Variants in EXOC5 observed in about 807,000 individuals in gnomAD.
The protein encoded by EXOC5 is SEC10-like 1.
A neutral mutation model predicts 90.8 loss-of-function variants in EXOC5; 17 were observed. The ratio of observed to expected loss-of-function variants is 0.19; its 90% confidence interval spans 0.13 to 0.28. EXOC5 has a LOEUF of 0.28. Ranked by LOEUF, EXOC5 falls within the 10% of genes least tolerant of loss-of-function variation. The pLI is 1.00. For missense variants in EXOC5, 569 were observed against 830.6 expected (o/e 0.69, Z 3.87); for synonymous variants, 260 against 270.0 (o/e 0.96, Z 0.36).
intron 15 of EXOC5, among the ~76,000 whole-genome samples, chr14:57,214,956 G>A (rs1227378577): frequency 1.3e-5 from 2 of 152,122 alleles, no homozygotes; most frequent in South Asian, 2.1e-4. Context: ...TCGGCTGGGC[G>A]CAGTGACTCA....
chr14:57,249,498 G>T, intron 1 of EXOC5, among the ~76,000 whole-genome samples: 1 of 151,964 alleles, frequency 6.6e-6, no homozygotes, highest in East Asian at 1.9e-4. Context: ...AAAAATTAAG[G>T]ATTTTTTCAT....
At chr14:57,219,519 T>C (rs1280480017) in intron 13 of EXOC5, 77 bp from the exon 14 acceptor site, 7 of 1,131,512 alleles carry the variant, frequency 6.2e-6, no homozygotes, top group Non-Finnish European at 8.7e-6. Context: ...AAGAATGTGG[T>C]TTTTTAATCT....
In EXOC5 at chr14:57,232,614, A is replaced by C. The variant is rs1050601824; in HGVS notation, c.938+53T>G. On this transcript the variant is annotated intron_variant, in intron 10 of 17. Transcript: ENST00000621441. ...ACCTGAATACTTCCTTGTTTTTATCAAAAAAATTTAAAAAATCTGTTATCT... is the reference window on the plus strand; with the variant it reads ...ACCTGAATACTTCCTTGTTTTTATCCAAAAAATTTAAAAAATCTGTTATCT... 3 of 779,358 alleles carry C rather than the reference A, an allele frequency of 3.8e-6. No homozygotes were observed. In the Admixed American group the frequency reaches 8.5e-5, roughly 22 times the overall value. 48.3% of individuals were successfully genotyped at this position (779,358 alleles called of 1,614,324 possible). A position where few individuals can be genotyped will look rare whatever the true frequency, so the allele number is the denominator to read the frequency against.
chr14:57,229,139 T>C (rs1883401151), intron 12 of EXOC5, among the ~76,000 whole-genome samples: 1 of 152,190 alleles, frequency 6.6e-6, no homozygotes, highest in African/African-American at 2.4e-5. Flanking sequence ...CCCTTTCACA[T>C]CTTCATTTAA....
intron 1 of EXOC5, among the ~76,000 whole-genome samples, chr14:57,259,114 C>CTT (rs564124086): frequency 1.4e-5 from 2 of 144,782 alleles, no homozygotes; most frequent in African/African-American, 2.5e-5. Flanking sequence ...ACACACTTTT[C>CTT]TTTTTTTTTT....
At chr14:57,209,915 G>T (rs1277330140) in intron 16 of EXOC5, 38 bp downstream of exon 16, 1 of 1,242,818 alleles carries the variant, frequency 8.0e-7, no homozygotes. Flanking sequence ...CAATGAAAAT[G>T]TTAACAAAGT....
rs150957938 is a variant in EXOC5 at position 57,242,647 on chromosome 14, A to G, written c.465+1518T>C. ...TTATCCCATTCTAATTCCTCCCACAATCACACACTGGTCTAGCTCTGTGGG... is the reference window on the plus strand; with the variant it reads ...TTATCCCATTCTAATTCCTCCCACAGTCACACACTGGTCTAGCTCTGTGGG... On this transcript the variant is annotated intron_variant, in intron 4 of 17. Coordinates refer to ENST00000621441, the MANE Select transcript of EXOC5 (RefSeq NM_006544.4). Among the ~76,000 whole-genome samples the G allele has an allele frequency of 7.6e-3, 1,161 of 152,286 alleles. 5 individuals are homozygous for G. The highest frequency in any genetic ancestry group is 0.017 in the Middle Eastern group (5 of 294).
intron 3 of EXOC5, among the ~76,000 whole-genome samples, chr14:57,246,438 G>C (rs767226686): frequency 6.6e-6 from 1 of 152,122 alleles, no homozygotes; most frequent in Non-Finnish European, 1.5e-5. Flanking sequence ...TTCAAAGTTC[G>C]CATTGTTAGA....
chr14:57,249,136 T>G (rs1199335749), intron 1 of EXOC5, among the ~76,000 whole-genome samples: 2 of 152,146 alleles, frequency 1.3e-5, no homozygotes, highest in African/African-American at 2.4e-5. Context: ...TGCCTAGTAT[T>G]TTACATACTT....
At chr14:57,217,564 T>A (rs1273373633) in intron 15 of EXOC5, among the ~76,000 whole-genome samples, 1 of 152,156 alleles carries the variant, frequency 6.6e-6, no homozygotes, top group Non-Finnish European at 1.5e-5. Flanking sequence ...AAATGTAGTG[T>A]GTGTTCTGAC....
In EXOC5 at chr14:57,209,942, A is replaced by AT. The variant is rs766678025; in HGVS notation, c.1722+10dup. 1 of 1,362,902 alleles carries AT rather than the reference A, an allele frequency of 7.3e-7. No individual in the cohort carries two copies. Among genetic ancestry groups the AT allele is most frequent in the South Asian group, 1.2e-5 (1 of 82,540 alleles). The allele number at this position is 1,362,902 out of a possible 1,614,324, so 84.4% of individuals were successfully genotyped here. A position where few individuals can be genotyped will look rare whatever the true frequency, so the allele number is the denominator to read the frequency against. On this transcript the variant is annotated intron_variant, in intron 16 of 17. Coordinates refer to ENST00000621441, the MANE Select transcript of EXOC5 (RefSeq NM_006544.4). ...TAACAAAGTATTAACAAACTGAATGATTTTACTCACATTAGTATATTGAAT... is the reference window on the plus strand; with the variant it reads ...TAACAAAGTATTAACAAACTGAATGATTTTTACTCACATTAGTATATTGAAT...
intron 1 of EXOC5, among the ~76,000 whole-genome samples, chr14:57,260,395 T>C (rs1466513364): frequency 6.6e-6 from 1 of 152,182 alleles, no homozygotes; most frequent in Admixed American, 6.5e-5. Context: ...CTTTTTAAAA[T>C]TAGTCAATGT....
At chr14:57,250,301 A>G (rs573000974) in intron 1 of EXOC5, among the ~76,000 whole-genome samples, 43 of 152,180 alleles carry the variant, frequency 2.8e-4, no homozygotes, top group Non-Finnish European at 5.4e-4. Context: ...ATGAGACTCC[A>G]GAGTTTATAC....
At chr14:57,225,803 C>T (rs1279494729) in intron 12 of EXOC5, among the ~76,000 whole-genome samples, 1 of 152,134 alleles carries the variant, frequency 6.6e-6, no homozygotes, top group Non-Finnish European at 1.5e-5. Flanking sequence ...TTTAGGGAGA[C>T]ATGAGACATC....
At chr14:57,224,614 A>G (rs1266518200) in intron 12 of EXOC5, among the ~76,000 whole-genome samples, 1 of 152,154 alleles carries the variant, frequency 6.6e-6, no homozygotes, top group Admixed American at 6.5e-5. Flanking sequence ...TTCAGGCCCA[A>G]ATGACTTCAC....
chr14:57,246,268 T>G (rs981244098), intron 3 of EXOC5, among the ~76,000 whole-genome samples: 18 of 152,176 alleles, frequency 1.2e-4, no homozygotes, highest in African/African-American at 3.4e-4. Flanking sequence ...ATGACTTTTG[T>G]GAAACTTCCC....
At position 57,208,780 on chromosome 14, in the gene EXOC5, A is replaced by G; in HGVS notation, c.1956T>C (p.His652=). ...AKDFKIPMVL[H]LFDTLHALCN... Reference sequence around the variant, plus strand: ...AAAGAGCATGCAGAGTATCAAAAAGATGTAATACCATTGGAATCTGAATTG... The same window carrying G: ...AAAGAGCATGCAGAGTATCAAAAAGGTGTAATACCATTGGAATCTGAATTG... Residue 652 remains histidine (H), a synonymous_variant, in exon 18 of 18, where the codon CAT becomes CAC. Coordinates refer to ENST00000621441, the MANE Select transcript of EXOC5 (RefSeq NM_006544.4). The G allele has an allele frequency of 6.3e-7, 1 of 1,585,030 alleles. No individual in the cohort carries two copies. The highest frequency in any genetic ancestry group is 8.6e-7 in the Non-Finnish European group (1 of 1,156,434).
intron 6 of EXOC5, among the ~76,000 whole-genome samples, chr14:57,236,074 T>C (rs1002122782): frequency 6.6e-6 from 1 of 152,130 alleles, no homozygotes; most frequent in Non-Finnish European, 1.5e-5. Context: ...TCATATGCCA[T>C]TGTTACTTAA....
At chr14:57,215,412 T>TAAA (rs3048723) in intron 15 of EXOC5, among the ~76,000 whole-genome samples, 1,657 of 145,022 alleles carry the variant, frequency 0.011, 31 homozygotes, top group African/African-American at 0.039. Context: ...AATAAAGATG[T>TAAA]AAAAAAAAAA....
Sources: allele counts gnomAD v4.1 joint callset (sites outside exome capture counted in the v4.1 genomes callset), GRCh38; gene constraint gnomAD v4.1.1; transcripts MANE v1.5; gene names NCBI Gene and HGNC (gene_info 2026-07-23, HGNC 2026-07-21).